The following RAD54L variants were observed in gnomAD, a reference collection of about 807,000 sequenced individuals.
RAD54L encodes the protein RAD54 like, also known as DNA repair and recombination protein RAD54-like.
In RAD54L, 74 loss-of-function variants were observed where a neutral mutation model predicts 91.6. The ratio of observed to expected loss-of-function variants is 0.81; its 90% CI spans 0.67 to 0.98. The LOEUF (loss-of-function observed/expected upper bound fraction) is 0.98, where lower values mean the gene tolerates loss of function less well. Ranked by LOEUF, RAD54L falls within the 50% of genes least tolerant of loss-of-function variation. The pLI, the probability that RAD54L is intolerant of heterozygous loss-of-function variation, is 0.00. For missense variants in RAD54L, 887 were observed against 945.7 expected (o/e 0.94, Z 0.81); for synonymous variants, 304 against 349.7 (o/e 0.87, Z 1.46).
Position 46,253,720 on chromosome 1 carries a change from C to CTTTT in RAD54L, c.210+3619_210+3622dup, listed in dbSNP as rs3063981. On this transcript the variant is annotated intron_variant, in intron 3 of 17. Transcript: ENST00000371975. ...ACTCACAGTGATATACTTAGGTACT[C>CTTTT]TTTTTTTTTTTTTTTTTTTTTGAGA... Among the ~76,000 whole-genome samples, 523 of 83,560 alleles carry CTTTT rather than the reference C, an allele frequency of 6.3e-3. 83 individuals are homozygous for CTTTT. The highest frequency in any genetic ancestry group is 0.034 in the Middle Eastern group (2 of 58). 54.8% of individuals were successfully genotyped at this position (83,560 alleles called of 152,430 possible).
rs1469728277 is a variant in RAD54L at position 46,265,734 on chromosome 1, AC to A, written c.892-1724del. Among the ~76,000 whole-genome samples, 1 of 152,226 alleles carries A rather than the reference AC, an allele frequency of 6.6e-6. No homozygotes were observed. The highest frequency in any genetic ancestry group is 2.4e-5 in the African/African-American group (1 of 41,450). Reference sequence around the variant, plus strand: ...CTCTGCCTAGTTGAGAAGATAAAGTACAGTAGAGTGTGATTAGTACTCTAGT... The same window carrying A: ...CTCTGCCTAGTTGAGAAGATAAAGTAAGTAGAGTGTGATTAGTACTCTAGT... On this transcript the variant is annotated intron_variant, in intron 8 of 17. Transcript: ENST00000371975. This position sits in a 1 kb window ranked among gnomAD's most constrained non-coding sequence, Gnocchi z 4.8.
chr1:46,259,699 C>T (rs1660042685), intron 4 of RAD54L, among the ~76,000 whole-genome samples: 1 of 151,612 alleles, frequency 6.6e-6, no homozygotes, highest in Non-Finnish European at 1.5e-5. Context: ...TTGCTTGAAC[C>T]TGGGAGGCAG....
intron 8 of RAD54L, among the ~76,000 whole-genome samples, chr1:46,262,904 G>T (rs537385653): frequency 6.6e-6 from 1 of 152,216 alleles, no homozygotes; most frequent in East Asian, 1.9e-4. Context: ...CTGACCAGCA[G>T]TGTGACCTTC....
intron 3 of RAD54L, 63 bp downstream of exon 3, chr1:46,250,182 C>T: frequency 4.4e-6 from 7 of 1,602,792 alleles, no homozygotes; most frequent in Non-Finnish European, 6.0e-6. Context: ...TAGGTAGACT[C>T]CTGTCCCTGT....
At chr1:46,277,340 C>CG (rs1246864179) in intron 16 of RAD54L, 1 of 198,306 alleles carries the variant, frequency 5.0e-6, no homozygotes, top group Non-Finnish European at 1.0e-5. Context: ...CTTATGGACT[C>CG]GCAGTTACCC....
intron 8 of RAD54L, among the ~76,000 whole-genome samples, chr1:46,262,447 G>A (rs1255132163): frequency 2.0e-5 from 3 of 151,862 alleles, no homozygotes; most frequent in Non-Finnish European, 4.4e-5. Context: ...CATATACACA[G>A]ACACACATGA....
chr1:46,269,874 G>A (rs906005449), intron 9 of RAD54L, among the ~76,000 whole-genome samples: 1 of 152,076 alleles, frequency 6.6e-6, no homozygotes, highest in African/African-American at 2.4e-5. Flanking sequence ...AGACCAAGGC[G>A]GGAGGGTACC....
At chr1:46,266,563 G>A (rs1486972662) in intron 8 of RAD54L, among the ~76,000 whole-genome samples, 2 of 152,218 alleles carry the variant, frequency 1.3e-5, no homozygotes, top group Non-Finnish European at 1.5e-5. Flanking sequence ...GAGAATGGGA[G>A]GACAGGACAG....
In RAD54L at chr1:46,265,257, C is replaced by T. The variant is rs765381836; in HGVS notation, c.892-2202C>T. 5.9e-5 allele frequency among the ~76,000 whole-genome samples: 9 copies of T among 151,988 alleles called. No homozygotes were observed. The highest frequency in any genetic ancestry group is 2.1e-4 in the South Asian group (1 of 4,814). On this transcript the variant is annotated intron_variant, in intron 8 of 17. Transcript: ENST00000371975. The surrounding 1 kb of genome is among the most constrained non-coding windows in gnomAD (Gnocchi z 4.8). ...CAGGACTTTGAAAGGCTGAGATGGG[C>T]GGATCACTTGAGGTCAGGATTTCAA... is the stretch of plus-strand genomic sequence containing the variant.
rs748342631 is a variant in RAD54L at position 46,248,610 on chromosome 1, A to G, written c.90+12A>G. The G allele has an allele frequency of 1.2e-5, 19 of 1,612,894 alleles. No individual in the cohort carries two copies. Among genetic ancestry groups the G allele is most frequent in the Non-Finnish European group, 1.4e-5 (17 of 1,179,104 alleles). ...AACCTGGCCTAGTGGTGAGCACTCAAGGGGACAGGGAAGGTGGGTAGAGCT... is the reference window on the plus strand; with the variant it reads ...AACCTGGCCTAGTGGTGAGCACTCAGGGGGACAGGGAAGGTGGGTAGAGCT... On this transcript the variant is annotated intron_variant, in intron 2 of 17. Coordinates refer to ENST00000371975, the MANE Select transcript of RAD54L (RefSeq NM_003579.4).
chr1:46,278,068 C>G lies in RAD54L; in HGVS notation c.2034-4C>G. ...GTGACTTCAGCTGTGCCTTCTGTCC[C>G]TAGGTTGCACTGCCGACGTTGTGTC... On this transcript the variant is annotated splice_polypyrimidine_tract_variant and splice_region_variant and intron_variant, in intron 17 of 17. Transcript: ENST00000371975. The G allele has an allele frequency of 1.2e-6, 2 of 1,614,134 alleles. No individual in the cohort carries two copies. The highest frequency in any genetic ancestry group is 1.7e-6 in the Non-Finnish European group (2 of 1,179,998).
intron 16 of RAD54L, among the ~76,000 whole-genome samples, chr1:46,276,048 T>C (rs1044450420): frequency 1.3e-5 from 2 of 152,150 alleles, no homozygotes; most frequent in African/African-American, 4.8e-5. Context: ...TCTCTAACTA[T>C]AAAATTTTAG....
intron 9 of RAD54L, among the ~76,000 whole-genome samples, chr1:46,268,715 A>AT (rs767254278): frequency 3.6e-4 from 55 of 152,174 alleles, no homozygotes; most frequent in Non-Finnish European, 7.5e-4. Flanking sequence ...TAGTTTGTTC[A>AT]TTTTCATAAT....
At chr1:46,267,302 GATCC>G (rs1175133107) in intron 8 of RAD54L, among the ~76,000 whole-genome samples, 153 bp from the exon 9 acceptor site, 1 of 152,200 alleles carries the variant, frequency 6.6e-6, no homozygotes, top group Non-Finnish European at 1.5e-5. Context: ...GGGCTCAAGT[GATCC>G]ACCTGTCTCG....
At chr1:46,260,652 G>A (rs764908080) in intron 6 of RAD54L, 41 bp downstream of exon 6, 6 of 1,613,746 alleles carry the variant, frequency 3.7e-6, no homozygotes, top group Non-Finnish European at 5.1e-6. Flanking sequence ...GCTATGGGCT[G>A]AGCCTGGGAG....
At position 46,274,718 on chromosome 1, in the gene RAD54L, G is replaced by GTT. The variant is rs1557708847; in HGVS notation, c.1869+2_1869+3insTT. 5.0e-6 allele frequency: 8 copies of GTT among 1,614,082 alleles called. No individual in the cohort carries two copies. Among genetic ancestry groups the GTT allele is most frequent in the Non-Finnish European group, 6.8e-6 (8 of 1,180,024 alleles). ...TTGCTATATCTACCGCCTGCTGTCT[G>GTT]TAAGGATGGTGATAGTAGTCATAGT... On this transcript the variant is annotated splice_donor_variant, in intron 16 of 17. Transcript: ENST00000371975. LOFTEE classifies it high-confidence loss of function.
rs145730038 is a variant in RAD54L, at chr1:46,260,978, C to G, written c.729C>G (p.Ile243Met). Residue 243 changes from isoleucine to methionine, a missense_variant, in exon 7 of 18, where the codon ATC becomes ATG. Physicochemically the swap from Ile to Met is conservative, Grantham distance 10. Transcript: ENST00000371975. ...WLGGRIQPLA[I>M]DGGSKDEIDQ... is the part of the protein sequence containing the mutation. ...GAGGGAGGATCCAACCTCTGGCCATCGATGGAGGATCTAAGGATGAAATAG... is the reference window on the plus strand; with the variant it reads ...GAGGGAGGATCCAACCTCTGGCCATGGATGGAGGATCTAAGGATGAAATAG... The G allele has an allele frequency of 6.2e-7, 1 of 1,613,972 alleles. No individual in the cohort carries two copies. The highest frequency in any genetic ancestry group is 8.5e-7 in the Non-Finnish European group (1 of 1,180,002).
intron 9 of RAD54L, 54 bp downstream of exon 9, chr1:46,267,663 G>C: frequency 1.3e-6 from 2 of 1,543,906 alleles, no homozygotes; most frequent in Non-Finnish European, 1.8e-6. Flanking sequence ...CTTGTCTTTG[G>C]GAGTATAACT....
intron 16 of RAD54L, among the ~76,000 whole-genome samples, chr1:46,277,106 T>G (rs763818399): frequency 1.3e-5 from 2 of 152,222 alleles, no homozygotes; most frequent in African/African-American, 2.4e-5. Flanking sequence ...CAAGGTTCTT[T>G]AATGTGGCCT....
Sources: gnomAD v4.1 joint callset for allele counts (sites outside exome capture counted in the v4.1 genomes callset) on GRCh38, gnomAD v4.1.1 for gene constraint, Gnocchi (gnomAD v3.1) non-coding constraint, MANE v1.5 for transcripts, NCBI Gene and HGNC (gene_info 2026-07-23, HGNC 2026-07-21) for gene names.